Variants in VTI1A observed in about 807,000 individuals in gnomAD.
The protein encoded by VTI1A is vesicle transport through interaction with t-SNAREs homolog 1A.
A neutral mutation model predicts 34.9 loss-of-function variants in VTI1A; 22 were observed. That is an observed-to-expected ratio of 0.63 (90% CI 0.45 to 0.90). The LOEUF (loss-of-function observed/expected upper bound fraction) is 0.90. Among genes scored for constraint, VTI1A ranks in the 40% least tolerant of loss-of-function variants. The pLI, the probability that VTI1A is intolerant of heterozygous loss-of-function variation, is 0.00. For synonymous variants in VTI1A, 87 were observed against 97.3 expected, an observed-to-expected ratio of 0.89 and a Z score of 0.62; for missense variants, 268 against 275.6, an observed-to-expected ratio of 0.97 and a Z score of 0.20.
chr10:112,724,275 C>A (rs1849926205), intron 7 of VTI1A, among the ~76,000 whole-genome samples: 1 of 152,116 alleles, frequency 6.6e-6, no homozygotes, highest in South Asian at 2.1e-4. Context: ...AGACAGAGAG[C>A]TGAAGAAAAG....
downstream of VTI1A, among the ~76,000 whole-genome samples, chr10:112,819,867 T>G (rs1001494767): frequency 5.9e-5 from 9 of 152,184 alleles, no homozygotes; most frequent in African/African-American, 2.2e-4. Flanking sequence ...TCATTGACAC[T>G]TCAGGGCAGG....
chr10:112,665,276 A>T (rs1313946929), intron 5 of VTI1A, among the ~76,000 whole-genome samples: 1 of 151,276 alleles, frequency 6.6e-6, no homozygotes, highest in African/African-American at 2.4e-5. Flanking sequence ...GTTTTGGTTC[A>T]ACTAGAAGAG....
Position 112,818,125 on chromosome 10 carries a change from G to T in VTI1A, c.*2742G>T, listed in dbSNP as rs946999335. On this transcript the variant is annotated 3_prime_UTR_variant, in exon 8 of 8. Transcript: ENST00000393077. ...TTGCTATTCTGTTTAAGGCAGGCTGGATTGTCTTATTTTGGAACCAGCTTG... is the reference window on the plus strand; with the variant it reads ...TTGCTATTCTGTTTAAGGCAGGCTGTATTGTCTTATTTTGGAACCAGCTTG... 4.3e-6 allele frequency: 1 copy of T among 233,568 alleles called. No homozygotes were observed. The highest frequency in any genetic ancestry group is 8.5e-6 in the Non-Finnish European group (1 of 117,934). 14.5% of individuals were successfully genotyped at this position (233,568 alleles called of 1,614,324 possible).
At chr10:112,527,364 C>T (rs565891336) in intron 4 of VTI1A, 200 bp downstream of exon 4, 1 of 421,716 alleles carries the variant, frequency 2.4e-6, no homozygotes, top group South Asian at 6.1e-5. Context: ...CTTGTGATCA[C>T]TGTCTGCTAT....
chr10:112,492,356 G>A (rs1333630995), intron 3 of VTI1A, among the ~76,000 whole-genome samples: 1 of 152,154 alleles, frequency 6.6e-6, no homozygotes, highest in Non-Finnish European at 1.5e-5. Context: ...TTTGATATTA[G>A]CCCTAAGGGT....
intron 7 of VTI1A, among the ~76,000 whole-genome samples, chr10:112,707,897 GT>G (rs925027283): frequency 6.6e-6 from 1 of 152,150 alleles, no homozygotes; most frequent in Non-Finnish European, 1.5e-5. Context: ...TTGCCTTTTA[GT>G]TTTTTTGCTA....
chr10:112,464,133 G>C (rs1251840576), intron 2 of VTI1A, among the ~76,000 whole-genome samples: 2 of 152,068 alleles, frequency 1.3e-5, no homozygotes, highest in Admixed American at 1.3e-4. Flanking sequence ...TGAGTAGCTG[G>C]GATTACAGGT....
At chr10:112,665,228 A>G (rs146346996) in intron 5 of VTI1A, among the ~76,000 whole-genome samples, 163 of 152,104 alleles carry the variant, frequency 1.1e-3, no homozygotes, top group South Asian at 2.1e-3. Context: ...AAGATAGTCT[A>G]TATTTAAAAA....
intron 4 of VTI1A, among the ~76,000 whole-genome samples, chr10:112,534,773 G>T (rs186999468): frequency 1.3e-5 from 2 of 152,246 alleles, no homozygotes; most frequent in East Asian, 3.9e-4. Context: ...GATTATTCTT[G>T]AGGTGAGGGA....
chr10:112,494,234 C>A (rs549954749), intron 3 of VTI1A, among the ~76,000 whole-genome samples: 2 of 151,930 alleles, frequency 1.3e-5, no homozygotes, highest in Admixed American at 6.6e-5. Flanking sequence ...ACAATAAATT[C>A]TTCATAATAT....
intron 5 of VTI1A, among the ~76,000 whole-genome samples, chr10:112,575,548 T>G (rs11195999): frequency 0.054 from 8,270 of 152,318 alleles, 484 homozygotes; most frequent in African/African-American, 0.14. Context: ...ACGTTCATCT[T>G]CATCCCTGCT....
At chr10:112,836,528 A>T in the VTI1A span, among the ~76,000 whole-genome samples, 1 of 152,104 alleles carries the variant, frequency 6.6e-6, no homozygotes, top group Non-Finnish European at 1.5e-5. Context: ...TCCCTCCGCT[A>T]CCTCATAGCA....
intron 1 of VTI1A, among the ~76,000 whole-genome samples, chr10:112,458,954 C>T: frequency 6.6e-6 from 1 of 152,180 alleles, no homozygotes; most frequent in Non-Finnish European, 1.5e-5. Context: ...GCGTGAGCCA[C>T]CGCGCCCGGC....
chr10:112,640,179 A>G (rs1333038396), intron 5 of VTI1A, among the ~76,000 whole-genome samples: 2 of 152,138 alleles, frequency 1.3e-5, no homozygotes, highest in Non-Finnish European at 2.9e-5. Flanking sequence ...TTTTAAATCT[A>G]TTTACTTTGT....
chr10:112,479,828 G>C (rs1848404997), intron 3 of VTI1A, among the ~76,000 whole-genome samples: 1 of 152,104 alleles, frequency 6.6e-6, no homozygotes, highest in Non-Finnish European at 1.5e-5. Flanking sequence ...TTAAACCTCA[G>C]CTATCTGGAC....
the VTI1A span, among the ~76,000 whole-genome samples, chr10:112,842,268 A>G: frequency 2.0e-5 from 3 of 152,002 alleles, no homozygotes; most frequent in Admixed American, 6.6e-5. Context: ...ACATATTCTC[A>G]TGCTTTCATG....
At chr10:112,714,348 A>G (rs1171164966) in intron 7 of VTI1A, among the ~76,000 whole-genome samples, 2 of 152,106 alleles carry the variant, frequency 1.3e-5, no homozygotes, top group Non-Finnish European at 2.9e-5. Context: ...TTTATCGCAT[A>G]TATCAATACC....
At chr10:112,516,215 C>T (rs979448990) in intron 3 of VTI1A, among the ~76,000 whole-genome samples, 6 of 151,986 alleles carry the variant, frequency 3.9e-5, no homozygotes, top group Non-Finnish European at 8.8e-5. Context: ...AATATGCATG[C>T]ACATCATCTC....
chr10:112,651,190 A>G (rs1847001589), intron 5 of VTI1A, among the ~76,000 whole-genome samples: 1 of 152,176 alleles, frequency 6.6e-6, no homozygotes, highest in Non-Finnish European at 1.5e-5. Context: ...CACTTCCTTC[A>G]TGCTTAAGTG....
Sources: gnomAD v4.1 joint callset for allele counts (sites outside exome capture counted in the v4.1 genomes callset) on GRCh38, gnomAD v4.1.1 for gene constraint, MANE v1.5 for transcripts, NCBI Gene and HGNC (gene_info 2026-07-23, HGNC 2026-07-21) for gene names.